The following SLC39A10 variants were observed in gnomAD, a reference collection of about 807,000 sequenced individuals.
SLC39A10 encodes the protein solute carrier family 39 member 10.
Under a neutral mutation model 65.1 loss-of-function variants are expected in SLC39A10, and 13 were observed. The ratio of observed to expected loss-of-function variants is 0.20; its 90% CI spans 0.13 to 0.32. The LOEUF (loss-of-function observed/expected upper bound fraction) is 0.32, where lower values mean the gene tolerates loss of function less well. Ranked by LOEUF, SLC39A10 falls within the 10% of genes least tolerant of loss-of-function variation. The pLI, the probability that SLC39A10 is intolerant of heterozygous loss-of-function variation, is 1.00. For missense variants in SLC39A10, 831 were observed against 1,018.4 expected (o/e 0.82, Z 2.50); for synonymous variants, 321 against 342.2 (o/e 0.94, Z 0.68).
Position 195,683,804 on chromosome 2 carries a change from G to A in SLC39A10, c.1114G>A (p.Asp372Asn). The A allele has an allele frequency of 2.5e-6, 4 of 1,613,150 alleles. No individual in the cohort carries two copies. Among genetic ancestry groups the A allele is most frequent in the East Asian group, 2.2e-5 (1 of 44,792 alleles). ...YLCPALLYQI[D>N]SRLCIEHFDK... ...TTGCCCTGCATTGTTATATCAAATC[G>A]ACAGCAGACTTTGTATTGAGCATTT... is the stretch of plus-strand genomic sequence containing the variant. Residue 372 changes from aspartate (D) to asparagine (N), a missense_variant, in exon 3 of 10, where the codon GAC (aspartate) becomes AAC (asparagine). Asp to Asn is a conservative substitution (Grantham distance 23). Transcript: ENST00000359634.
At chr2:195,679,075 TAGTC>T (rs920310859) in intron 1 of SLC39A10, among the ~76,000 whole-genome samples, 18 of 152,334 alleles carry the variant, frequency 1.2e-4, no homozygotes, top group East Asian at 7.7e-4. Context: ...AATTAAAACA[TAGTC>T]AGGGTGACTG....
chr2:195,636,006 A>C (rs1486237140), intron 2 of SLC39A10, among the ~76,000 whole-genome samples: 1 of 152,180 alleles, frequency 6.6e-6, no homozygotes, highest in Non-Finnish European at 1.5e-5. Context: ...TACTAGGCCA[A>C]AAGATCTAAG....
Position 195,619,875 on chromosome 2 carries a change from T to G in SLC39A10, c.-12+13642T>G, listed in dbSNP as rs566521399. On this transcript the variant is annotated intron_variant, in intron 2 of 2. Coordinates refer to the SLC39A10 transcript ENST00000458054. The stretch of plus-strand genomic sequence containing the variant: ...TATGTCCAAGTGTGGCCTCCAGGAC[T>G]TTATTTATTTATTTAGAGACAGAGT... Among the ~76,000 whole-genome samples, 504 of 148,856 alleles carry G rather than the reference T, an allele frequency of 3.4e-3. 11 individuals are homozygous for G. Among genetic ancestry groups the G allele is most frequent in the Non-Finnish European group, 2.1e-3 (145 of 67,988 alleles).
chr2:195,617,778 C>CG (rs1688252546), intron 2 of SLC39A10, among the ~76,000 whole-genome samples: 1 of 110,746 alleles, frequency 9.0e-6, no homozygotes, highest in Non-Finnish European at 2.1e-5. Flanking sequence ...GTCTCACTGT[C>CG]TACCAGGCTG....
In SLC39A10 at chr2:195,680,641, C is replaced by A; in HGVS notation, c.599C>A (p.Ser200Tyr). Residue 200 changes from serine to tyrosine, a missense_variant, in exon 2 of 10, where the codon TCC becomes TAC. Ser to Tyr is a moderately radical substitution (Grantham distance 144). Coordinates refer to ENST00000359634, the MANE Select transcript of SLC39A10 (RefSeq NM_020342.3). ...HNNTHHFHND[S>Y]ITPSERGEPS... ...AACACTCACCATTTTCATAATGATT[C>A]CATTACTCCCAGTGAGCGTGGGGAG... The A allele has an allele frequency of 6.2e-7, 1 of 1,614,090 alleles. No homozygotes were observed. The highest frequency in any genetic ancestry group is 8.5e-7 in the Non-Finnish European group (1 of 1,180,028).
At chr2:195,692,249 C>T (rs1345426804) in intron 3 of SLC39A10, among the ~76,000 whole-genome samples, 1 of 152,096 alleles carries the variant, frequency 6.6e-6, no homozygotes, top group Non-Finnish European at 1.5e-5. Flanking sequence ...TGGCTATGGC[C>T]TTATAGCATA....
intron 7 of SLC39A10, 104 bp downstream of exon 7, chr2:195,717,109 G>T: frequency 6.9e-7 from 1 of 1,445,090 alleles, no homozygotes; most frequent in Non-Finnish European, 9.2e-7. Context: ...TATCACTCTG[G>T]TCAGTTGATT....
intron 3 of SLC39A10, among the ~76,000 whole-genome samples, chr2:195,698,761 T>C (rs569826133): frequency 4.6e-5 from 7 of 152,088 alleles, no homozygotes; most frequent in African/African-American, 1.7e-4. Flanking sequence ...GGGATATTGG[T>C]CTGTAGTTGT....
chr2:195,704,666 C>G (rs1451228231), intron 3 of SLC39A10, among the ~76,000 whole-genome samples: 1 of 152,058 alleles, frequency 6.6e-6, no homozygotes, highest in East Asian at 1.9e-4. Flanking sequence ...GCCTATAAAC[C>G]TTATTTGAGC....
intron 9 of SLC39A10, among the ~76,000 whole-genome samples, chr2:195,734,382 T>TG (rs1312195154): frequency 2.6e-5 from 4 of 152,032 alleles, no homozygotes; most frequent in African/African-American, 9.7e-5. Context: ...AGGCTGGTCT[T>TG]GAACTCCTGA....
Position 195,736,482 on chromosome 2 carries a change from ATTG to A in SLC39A10, c.*1444_*1446del, listed in dbSNP as rs545047242. 48 of 162,438 alleles carry A rather than the reference ATTG, an allele frequency of 3.0e-4. No homozygotes were observed. The highest frequency in any genetic ancestry group is 5.4e-4 in the Non-Finnish European group (37 of 68,058). 10.1% of individuals were successfully genotyped at this position (162,438 alleles called of 1,614,324 possible). On this transcript the variant is annotated 3_prime_UTR_variant, in exon 10 of 10. Coordinates refer to ENST00000359634, the MANE Select transcript of SLC39A10 (RefSeq NM_020342.3). ...TGTAGCTGCTGTAACAATCTATCTT[ATTG>A]TTCAAATATATAAGAGCCAAACTCT...
intron 4 of SLC39A10, among the ~76,000 whole-genome samples, chr2:195,707,033 TCA>T (rs1691424818): frequency 6.6e-6 from 1 of 152,280 alleles, no homozygotes; most frequent in African/African-American, 2.4e-5. Flanking sequence ...ATTTGCAATA[TCA>T]GTAGCAGTGA....
chr2:195,622,132 G>A (rs570218089), intron 2 of SLC39A10, among the ~76,000 whole-genome samples: 213 of 152,078 alleles, frequency 1.4e-3, no homozygotes, highest in African/African-American at 4.6e-3. Flanking sequence ...TTGGGAGGCC[G>A]AGGTGGGTGG....
At chr2:195,685,334 A>G (rs1473289989) in intron 3 of SLC39A10, among the ~76,000 whole-genome samples, 2 of 152,054 alleles carry the variant, frequency 1.3e-5, no homozygotes, top group Non-Finnish European at 1.5e-5. Context: ...TCACTAATAT[A>G]TATTTTTTAT....
chr2:195,674,091 A>C (rs1021522831), intron 1 of SLC39A10, among the ~76,000 whole-genome samples: 1 of 152,206 alleles, frequency 6.6e-6, no homozygotes, highest in East Asian at 1.9e-4. Flanking sequence ...ATTATACAGC[A>C]TGTATCTTTT....
intron 8 of SLC39A10, among the ~76,000 whole-genome samples, chr2:195,719,806 T>C (rs1177341086): frequency 2.7e-5 from 4 of 150,656 alleles, no homozygotes; most frequent in Non-Finnish European, 5.9e-5. Context: ...TTTTTTTTTT[T>C]CGAGACAGAG....
intron 2 of SLC39A10, among the ~76,000 whole-genome samples, chr2:195,627,219 C>T (rs572016635): frequency 1.3e-5 from 2 of 152,216 alleles, no homozygotes; most frequent in East Asian, 3.9e-4. Context: ...TTTTTCAAAA[C>T]ATTTTGAAAC....
chr2:195,636,777 A>C (rs1688705476), intron 2 of SLC39A10, among the ~76,000 whole-genome samples: 1 of 151,550 alleles, frequency 6.6e-6, no homozygotes, highest in South Asian at 2.1e-4. Context: ...AAAAGTTTTA[A>C]ATAATCCCAG....
At chr2:195,685,788 A>G (rs1340858549) in intron 3 of SLC39A10, among the ~76,000 whole-genome samples, 1 of 152,092 alleles carries the variant, frequency 6.6e-6, no homozygotes. Context: ...TTTTTGTTGG[A>G]CTTTAGTTGC....
Sources: gnomAD v4.1 joint callset for allele counts (sites outside exome capture counted in the v4.1 genomes callset) on GRCh38, gnomAD v4.1.1 for gene constraint, MANE v1.5 for transcripts, NCBI Gene and HGNC (gene_info 2026-07-23, HGNC 2026-07-21) for gene names.